The following SDC4 variants were observed in gnomAD, a reference collection of about 807,000 sequenced individuals.
SDC4 encodes the protein syndecan 4, also known as syndecan-4.
Under a neutral mutation model 20.5 loss-of-function variants are expected in SDC4, and 17 were observed. That is an observed-to-expected ratio of 0.83 (90% confidence interval 0.57 to 1.25). The LOEUF (loss-of-function observed/expected upper bound fraction) is 1.25, where lower values mean the gene tolerates loss of function less well. Among genes scored for constraint, SDC4 ranks in the 50% most tolerant of loss-of-function variants. The pLI is 0.00. For synonymous variants in SDC4, 107 were observed against 105.3 expected, an observed-to-expected ratio of 1.02 and a Z score of -0.10; for missense variants, 241 against 252.3, an observed-to-expected ratio of 0.96 and a Z score of 0.30.
chr20:45,344,413 C>G (rs1988001103), intron 1 of SDC4, among the ~76,000 whole-genome samples: 1 of 152,198 alleles, frequency 6.6e-6, no homozygotes. Context: ...AAATGGGTGA[C>G]TCAGGCAGGC....
intron 4 of SDC4, among the ~76,000 whole-genome samples, chr20:45,329,737 C>T (rs1184468548): frequency 6.6e-6 from 1 of 151,678 alleles, no homozygotes; most frequent in African/African-American, 2.4e-5. Flanking sequence ...TCCCTCCATC[C>T]CTTTTGTCAA....
intron 1 of SDC4, among the ~76,000 whole-genome samples, chr20:45,336,853 G>A (rs937514519): frequency 2.0e-5 from 3 of 151,968 alleles, no homozygotes; most frequent in Non-Finnish European, 4.4e-5. Context: ...TGATGACTCA[G>A]GAGTGTACTC....
chr20:45,326,952 T>G lies in SDC4; in HGVS notation c.*312A>C. 1 of 225,432 alleles carries G rather than the reference T, an allele frequency of 4.4e-6. No homozygotes were observed. Among genetic ancestry groups the G allele is most frequent in the Non-Finnish European group, 8.8e-6 (1 of 113,612 alleles). 14.0% of individuals were successfully genotyped at this position (225,432 alleles called of 1,614,324 possible). ...CTTCAGAGGAGCTCTGGATGAGGCATGGTCAGTATGGGCTTGAGGGCGGAC... is the reference window on the plus strand; with the variant it reads ...CTTCAGAGGAGCTCTGGATGAGGCAGGGTCAGTATGGGCTTGAGGGCGGAC... On this transcript the variant is annotated 3_prime_UTR_variant, in exon 5 of 5. Coordinates refer to ENST00000372733, the MANE Select transcript of SDC4 (RefSeq NM_002999.4).
chr20:45,347,231 C>G (rs6104124), intron 1 of SDC4, among the ~76,000 whole-genome samples: 1 of 151,952 alleles, frequency 6.6e-6, no homozygotes. Context: ...TTCAGAGGAA[C>G]AGGAGCCCCA....
At chr20:45,342,981 TAG>T (rs1568908787) in intron 1 of SDC4, among the ~76,000 whole-genome samples, 1 of 152,210 alleles carries the variant, frequency 6.6e-6, no homozygotes, top group Non-Finnish European at 1.5e-5. Context: ...AGGTGTTTTA[TAG>T]AGGACACTGG....
intron 1 of SDC4, among the ~76,000 whole-genome samples, chr20:45,336,199 G>A (rs1206442514): frequency 6.6e-6 from 1 of 152,138 alleles, no homozygotes; most frequent in Non-Finnish European, 1.5e-5. Context: ...GATCACTTGA[G>A]GTCAGGAGTT....
At chr20:45,328,708 G>C (rs1600728155) in intron 4 of SDC4, among the ~76,000 whole-genome samples, 1 of 152,166 alleles carries the variant, frequency 6.6e-6, no homozygotes, top group South Asian at 2.1e-4. Context: ...CTCGGGCTAA[G>C]AAGATTAATT....
intron 1 of SDC4, among the ~76,000 whole-genome samples, chr20:45,340,364 C>T (rs898642843): frequency 7.2e-5 from 11 of 151,990 alleles, no homozygotes; most frequent in African/African-American, 2.7e-4. Flanking sequence ...TCAGCTGAGT[C>T]ACTTATCCAA....
chr20:45,331,661 A>G (rs1277446968), intron 3 of SDC4, among the ~76,000 whole-genome samples: 1 of 152,218 alleles, frequency 6.6e-6, no homozygotes, highest in Non-Finnish European at 1.5e-5. Context: ...CTCACTGCTC[A>G]TTATATGCTA....
intron 3 of SDC4, among the ~76,000 whole-genome samples, chr20:45,332,578 G>GC (rs939870535): frequency 1.6e-4 from 25 of 152,200 alleles, no homozygotes; most frequent in Admixed American, 1.1e-3. Context: ...TACAAAATGA[G>GC]CCTGGGGCCA....
chr20:45,325,355 G>A lies in SDC4; in HGVS notation c.*1909C>T, dbSNP rs1987665274. Reference sequence around the variant, plus strand: ...TCAGTAACAGACAACAGTGTGAGAGGTGCCTACAGAGGAGGTGCTCACTCC... The same window carrying A: ...TCAGTAACAGACAACAGTGTGAGAGATGCCTACAGAGGAGGTGCTCACTCC... On this transcript the variant is annotated 3_prime_UTR_variant, in exon 5 of 5. Coordinates refer to ENST00000372733, the MANE Select transcript of SDC4 (RefSeq NM_002999.4). The A allele has an allele frequency of 6.6e-6, 1 of 152,650 alleles. No individual in the cohort carries two copies. Among genetic ancestry groups the A allele is most frequent in the Non-Finnish European group, 1.5e-5 (1 of 68,064 alleles). 9.5% of individuals were successfully genotyped at this position (152,650 alleles called of 1,614,324 possible).
chr20:45,348,280 T>TGCGCCCCCGCTTCGCCCCCAGCCC, intron 1 of SDC4, 45 bp downstream of exon 1: 1 of 1,426,410 alleles, frequency 7.0e-7, no homozygotes, highest in African/African-American at 1.6e-5. Flanking sequence ...GGCACCGGCC[T>TGCGCCCCCGCTTCGCCCCCAGCCC]GCGCCCCCGC....
chr20:45,327,502 T>C, intron 4 of SDC4, 87 bp from the exon 5 acceptor site: 1 of 1,416,676 alleles, frequency 7.1e-7, no homozygotes, highest in Non-Finnish European at 9.5e-7. Context: ...CTGTCAGTTC[T>C]CTTACAACCA....
rs1174160893 is a variant in SDC4 at position 45,325,618 on chromosome 20, T to G, written c.*1646A>C. The G allele has an allele frequency of 2.3e-5, 2 of 85,562 alleles. No individual in the cohort carries two copies. The highest frequency in any genetic ancestry group is 7.6e-4 in the East Asian group (1 of 1,322). 5.3% of individuals were successfully genotyped at this position (85,562 alleles called of 1,614,324 possible). The stretch of plus-strand genomic sequence containing the variant: ...GCCCCAGCTGGGGCCTCATCAGCCC[T>G]CCCCCATTCCCCCCCCCCTACCCAG... On this transcript the variant is annotated 3_prime_UTR_variant, in exon 5 of 5. Transcript: ENST00000372733.
intron 1 of SDC4, among the ~76,000 whole-genome samples, chr20:45,337,445 G>A (rs1035809815): frequency 6.6e-5 from 10 of 152,108 alleles, no homozygotes; most frequent in South Asian, 2.1e-4. Context: ...CTGTCCTCCC[G>A]TTTCACACAA....
intron 1 of SDC4, among the ~76,000 whole-genome samples, chr20:45,337,244 A>T (rs1035633144): frequency 1.3e-5 from 2 of 152,242 alleles, no homozygotes; most frequent in Admixed American, 6.5e-5. Context: ...AGCTCTGAGC[A>T]AAGTTCATTA....
At position 45,327,019 on chromosome 20, in the gene SDC4, G is replaced by A. The variant is rs1987701728; in HGVS notation, c.*245C>T. 1 of 466,506 alleles carries A rather than the reference G, an allele frequency of 2.1e-6. No homozygotes were observed. Among genetic ancestry groups the A allele is most frequent in the Non-Finnish European group, 3.9e-6 (1 of 258,452 alleles). The allele number at this position is 466,506 out of a possible 1,614,324, so 28.9% of individuals were successfully genotyped here. On this transcript the variant is annotated 3_prime_UTR_variant, in exon 5 of 5. Coordinates refer to ENST00000372733, the MANE Select transcript of SDC4 (RefSeq NM_002999.4). ...AAGTTTAAGAAGTGATCCAATCCCA[G>A]TCTTGCCTTCAGAAAGGCCAAGTTG... is the stretch of plus-strand genomic sequence containing the variant.
chr20:45,337,985 C>T (rs1352059134), intron 1 of SDC4, among the ~76,000 whole-genome samples: 1 of 152,178 alleles, frequency 6.6e-6, no homozygotes. Context: ...GCACATAGCC[C>T]GTGCCTGTGG....
At chr20:45,330,612 A>G in intron 3 of SDC4, 48 bp from the exon 4 acceptor site, 5 of 1,549,748 alleles carry the variant, frequency 3.2e-6, no homozygotes, top group Non-Finnish European at 4.4e-6. Flanking sequence ...TTTGGAAGAG[A>G]CTCAGGGCAG....
Sources: gnomAD v4.1 joint callset for allele counts (sites outside exome capture counted in the v4.1 genomes callset) on GRCh38, gnomAD v4.1.1 for gene constraint, MANE v1.5 for transcripts, NCBI Gene and HGNC (gene_info 2026-07-23, HGNC 2026-07-21) for gene names.